PHF14: variants seen among roughly 807,000 people sequenced by gnomAD.
PHF14 encodes the protein PHD finger protein 14.
A neutral mutation model predicts 117.9 loss-of-function variants in PHF14; 55 were observed. The ratio of observed to expected loss-of-function variants is 0.47; its 90% CI spans 0.38 to 0.58. The LOEUF is 0.58. Ranked by LOEUF, PHF14 falls within the 20% of genes least tolerant of loss-of-function variation. The pLI is 0.00. For missense variants in PHF14, 978 were observed against 1,122.2 expected (o/e 0.87, Z 1.84); for synonymous variants, 409 against 368.6 (o/e 1.11, Z -1.26).
intron 5 of PHF14, among the ~76,000 whole-genome samples, chr7:11,017,570 T>C (rs1783575885): frequency 6.6e-6 from 1 of 152,200 alleles, no homozygotes; most frequent in African/African-American, 2.4e-5. Flanking sequence ...GAAATGTCTA[T>C]TCAAATCTTT....
intron 16 of PHF14, among the ~76,000 whole-genome samples, chr7:11,082,340 C>G (rs1245412665): frequency 6.6e-6 from 1 of 151,988 alleles, no homozygotes; most frequent in East Asian, 1.9e-4. Context: ...AGAGCAAGAC[C>G]CTGTCTCAAA....
At chr7:11,002,825 A>G (rs1389007972) in intron 4 of PHF14, among the ~76,000 whole-genome samples, 1 of 152,216 alleles carries the variant, frequency 6.6e-6, no homozygotes, top group African/African-American at 2.4e-5. Flanking sequence ...TGCTGATGAC[A>G]AAAATTAACG....
At chr7:11,115,178 T>C (rs1441728156) in intron 17 of PHF14, among the ~76,000 whole-genome samples, 1 of 152,046 alleles carries the variant, frequency 6.6e-6, no homozygotes, top group Non-Finnish European at 1.5e-5. Flanking sequence ...TGCTCTTTGC[T>C]CCTTTTTTCC....
At chr7:11,002,682 G>A (rs1439948055) in intron 4 of PHF14, among the ~76,000 whole-genome samples, 4 of 152,064 alleles carry the variant, frequency 2.6e-5, no homozygotes, top group African/African-American at 7.2e-5. Flanking sequence ...CGCCTCTGGT[G>A]ATCCACTCGC....
rs35327585 is a variant in PHF14, at chr7:11,168,019, C to CAA, written c.2773-1383_2773-1382dup. 6.3e-3 allele frequency among the ~76,000 whole-genome samples: 771 copies of CAA among 122,510 alleles called. 18 individuals are homozygous for CAA. The highest frequency in any genetic ancestry group is 0.057 in the East Asian group (262 of 4,604). The allele number at this position is 122,510 out of a possible 152,430, so 80.4% of individuals were successfully genotyped here. A position where few individuals can be genotyped will look rare whatever the true frequency, so the allele number is the denominator to read the frequency against. ...CCAGCCTGGGCGAAAGAGTCCGTCT[C>CAA]AAAAAAAAAAAAAAAGAAATGTCAT... On this transcript the variant is annotated intron_variant, in intron 17 of 17. Transcript: ENST00000634607.
At position 11,094,641 on chromosome 7, in the gene PHF14, G is replaced by A. The variant is rs560296310; in HGVS notation, c.2655-16709G>A. The stretch of plus-strand genomic sequence containing the variant: ...CCTACCACAGGGTTCCTGGAAAAAA[G>A]TTTGTGAATGAAGGTAACCGTCCCT... On this transcript the variant is annotated intron_variant, in intron 16 of 17. Coordinates refer to ENST00000634607, the MANE Select transcript of PHF14 (RefSeq NM_001007157.2). 2.4e-4 allele frequency among the ~76,000 whole-genome samples: 37 copies of A among 152,278 alleles called. No homozygotes were observed. In the South Asian group the frequency reaches 3.9e-3, roughly 16 times the overall value.
intron 4 of PHF14, among the ~76,000 whole-genome samples, chr7:11,000,153 C>T (rs1306323354): frequency 1.3e-5 from 2 of 151,956 alleles, no homozygotes; most frequent in Non-Finnish European, 2.9e-5. Flanking sequence ...GCAAAAGATG[C>T]AAAAAGGTCA....
intron 16 of PHF14, chr7:11,105,056 A>G (rs1377677004): frequency 1.7e-5 from 15 of 901,538 alleles, no homozygotes; most frequent in East Asian, 1.2e-4. Flanking sequence ...TACACTGACT[A>G]TGGAAACAGC....
chr7:11,122,376 C>CACACACATACAT (rs1417075129), intron 17 of PHF14, among the ~76,000 whole-genome samples: 35 of 112,264 alleles, frequency 3.1e-4, no homozygotes, highest in Non-Finnish European at 3.1e-4. Context: ...CACACACACA[C>CACACACATACAT]ACACACACAT....
At chr7:11,136,598 C>G (rs1317834675) in intron 17 of PHF14, among the ~76,000 whole-genome samples, 2 of 152,042 alleles carry the variant, frequency 1.3e-5, no homozygotes, top group Non-Finnish European at 2.9e-5. Context: ...TTGCCATGTT[C>G]TATTCTAACA....
At chr7:11,011,523 C>T (rs1207868537) in intron 4 of PHF14, among the ~76,000 whole-genome samples, 1 of 152,150 alleles carries the variant, frequency 6.6e-6, no homozygotes, top group African/African-American at 2.4e-5. Flanking sequence ...AACTTGGCAC[C>T]AAGACCTACC....
intron 6 of PHF14, among the ~76,000 whole-genome samples, chr7:11,024,351 AG>A (rs1783838881): frequency 6.6e-6 from 1 of 152,236 alleles, no homozygotes; most frequent in Non-Finnish European, 1.5e-5. Context: ...AGCATCAGCA[AG>A]TTATTCAGAA....
intron 17 of PHF14, among the ~76,000 whole-genome samples, chr7:11,134,613 A>T (rs114497478): frequency 1.3e-5 from 2 of 152,016 alleles, no homozygotes; most frequent in Admixed American, 6.6e-5. Flanking sequence ...TAGCCACAGG[A>T]TCACACAACT....
chr7:11,005,499 C>T (rs1262681481), intron 4 of PHF14, among the ~76,000 whole-genome samples: 1 of 152,164 alleles, frequency 6.6e-6, no homozygotes, highest in Non-Finnish European at 1.5e-5. Flanking sequence ...CTCACTGTTT[C>T]TCTGTTTTGT....
At chr7:11,081,114 T>C (rs1178146351) in intron 16 of PHF14, among the ~76,000 whole-genome samples, 2 of 152,184 alleles carry the variant, frequency 1.3e-5, no homozygotes, top group African/African-American at 2.4e-5. Flanking sequence ...TATATAAATA[T>C]ATGTATGAAA....
chr7:11,070,796 G>A (rs1350815376), intron 16 of PHF14, among the ~76,000 whole-genome samples: 2 of 152,142 alleles, frequency 1.3e-5, no homozygotes, highest in East Asian at 1.9e-4. Context: ...AATGCAATAT[G>A]GCTCAGGCTG....
Position 10,990,852 on chromosome 7 carries a change from T to G in PHF14, c.1045+5T>G, listed in dbSNP as rs755450414. 18 of 1,569,332 alleles carry G rather than the reference T, an allele frequency of 1.1e-5. No individual in the cohort carries two copies. Among genetic ancestry groups the G allele is most frequent in the Non-Finnish European group, 1.5e-5 (17 of 1,155,418 alleles). ...GTGGCATTACAGTCCATGAAGGTAATGTTGCTTTCTTTTCTCTCTTTTTAG... is the reference window on the plus strand; with the variant it reads ...GTGGCATTACAGTCCATGAAGGTAAGGTTGCTTTCTTTTCTCTCTTTTTAG... On this transcript the variant is annotated splice_donor_5th_base_variant and intron_variant, in intron 4 of 17. Transcript: ENST00000634607.
chr7:11,062,726 T>A (rs955889888), intron 16 of PHF14: 5 of 985,280 alleles, frequency 5.1e-6, no homozygotes, highest in Non-Finnish European at 6.0e-6. Context: ...TTCCCAACGG[T>A]CCAGAGGCTG....
intron 5 of PHF14, among the ~76,000 whole-genome samples, chr7:11,022,556 A>T (rs1041947170): frequency 1.3e-5 from 2 of 152,168 alleles, no homozygotes; most frequent in African/African-American, 4.8e-5. Flanking sequence ...TAGTAGTTTT[A>T]TGCAAATATT....
Sources: allele counts gnomAD v4.1 joint callset (sites outside exome capture counted in the v4.1 genomes callset), GRCh38; gene constraint gnomAD v4.1.1; transcripts MANE v1.5; gene names NCBI Gene and HGNC (gene_info 2026-07-23, HGNC 2026-07-21).